Variants in USP34 observed in about 807,000 individuals in gnomAD.
The protein encoded by USP34 is ubiquitin specific peptidase 34.
A neutral mutation model predicts 460.3 loss-of-function variants in USP34; 70 were observed. That is an observed-to-expected ratio of 0.15 (90% CI 0.13 to 0.19). The LOEUF is 0.19. USP34 is among the 10% of genes least tolerant of loss of function. The pLI is 1.00. For missense variants in USP34, 3,985 were observed against 4,236.2 expected (o/e 0.94, Z 1.65); for synonymous variants, 1,647 against 1,405.3 (o/e 1.17, Z -3.85).
intron 3 of USP34, among the ~76,000 whole-genome samples, chr2:61,403,069 T>C (rs145911574): frequency 2.0e-5 from 3 of 152,258 alleles, no homozygotes; most frequent in East Asian, 1.9e-4. Context: ...ACATATCTAA[T>C]ATATTAATAG....
intron 10 of USP34, among the ~76,000 whole-genome samples, chr2:61,365,604 T>C (rs917933720): frequency 1.3e-5 from 2 of 152,060 alleles, no homozygotes; most frequent in Non-Finnish European, 2.9e-5. Context: ...TAAATACAAT[T>C]AATTCTGGAG....
chr2:61,345,391 T>C (rs1183988624), intron 15 of USP34, among the ~76,000 whole-genome samples: 1 of 152,138 alleles, frequency 6.6e-6, no homozygotes, highest in Non-Finnish European at 1.5e-5. Flanking sequence ...AGAAGTAATA[T>C]GTATAGATAT....
chr2:61,438,234 A>G (rs1027816389), intron 1 of USP34, among the ~76,000 whole-genome samples: 2 of 152,204 alleles, frequency 1.3e-5, no homozygotes, highest in African/African-American at 4.8e-5. Flanking sequence ...TCTTAGCAAT[A>G]GAATGAAGGA....
chr2:61,280,430 T>A, intron 38 of USP34, 82 bp from the exon 39 acceptor site: 1 of 641,196 alleles, frequency 1.6e-6, no homozygotes, highest in Non-Finnish European at 2.4e-6. Flanking sequence ...AGAGGCTTTA[T>A]GAAATAAATT....
At chr2:61,296,974 A>G (rs575408408) in intron 29 of USP34, 49 bp from the exon 30 acceptor site, 9 of 1,534,038 alleles carry the variant, frequency 5.9e-6, no homozygotes, top group Non-Finnish European at 7.0e-6. Context: ...AGAAAAGAAA[A>G]AGTTTTAAGT....
At position 61,206,808 on chromosome 2, in the gene USP34, T is replaced by A. The variant is rs778110173; in HGVS notation, c.8998A>T (p.Ile3000Leu). The A allele has an allele frequency of 6.2e-7, 1 of 1,613,764 alleles. No individual in the cohort carries two copies. The highest frequency in any genetic ancestry group is 8.5e-7 in the Non-Finnish European group (1 of 1,179,794). Reference sequence around the variant, plus strand: ...GTAGACTTCAAAACCGAAAGAAATATTGACAGAAGTTCTACTAAATCTCCA... The same window carrying A: ...GTAGACTTCAAAACCGAAAGAAATAATGACAGAAGTTCTACTAAATCTCCA... ...VTGDLVELLS[I>L]FLSVLKSTRP... Residue 3000 changes from isoleucine (I) to leucine (L), a missense_variant, in exon 71 of 80, where the codon ATA becomes TTA. By Grantham distance (5) the Ile-to-Leu change is conservative. Around this residue, in one of 14 missense-constraint regions of USP34, gnomAD observed 275 missense variants for 292.7 expected, o/e 0.94. Transcript: ENST00000398571.
intron 39 of USP34, among the ~76,000 whole-genome samples, chr2:61,279,920 A>G (rs1410808290): frequency 6.6e-6 from 1 of 152,244 alleles, no homozygotes; most frequent in Non-Finnish European, 1.5e-5. Flanking sequence ...TCCAAACTAC[A>G]TGCTATTATA....
At chr2:61,441,802 CAAAAAAA>C (rs70963429) in intron 1 of USP34, among the ~76,000 whole-genome samples, 6 of 97,336 alleles carry the variant, frequency 6.2e-5, no homozygotes, top group African/African-American at 1.2e-4. Flanking sequence ...GACTGCATTA[CAAAAAAA>C]AAAAAAGAAA....
At position 61,288,868 on chromosome 2, in the gene USP34, C is replaced by T; in HGVS notation, c.4558G>A (p.Asp1520Asn). 25 of 1,612,522 alleles carry T rather than the reference C, an allele frequency of 1.6e-5. No homozygotes were observed. The highest frequency in any genetic ancestry group is 2.1e-5 in the Non-Finnish European group (25 of 1,179,860). Residue 1520 changes from aspartate to asparagine, a missense_variant, in exon 34 of 80, where the codon GAC (aspartate) becomes AAC (asparagine). Asp to Asn is a conservative substitution (Grantham distance 23, BLOSUM62 1). Coordinates refer to ENST00000398571, the MANE Select transcript of USP34 (RefSeq NM_014709.4). ...EQESWTVWQL[D>N]CLACLLKLIC... ...AACTTCAGCAAGCAAGCAAGACAGT[C>T]TAGCTGCCACTGTAAATGAGAAGAA...
intron 5 of USP34, among the ~76,000 whole-genome samples, chr2:61,387,895 T>A: frequency 6.7e-6 from 1 of 148,956 alleles, no homozygotes; most frequent in Non-Finnish European, 1.5e-5. Context: ...AAAAATATAT[T>A]TTTATATATA....
At chr2:61,465,488 G>C (rs571225062) in intron 1 of USP34, among the ~76,000 whole-genome samples, 2 of 152,260 alleles carry the variant, frequency 1.3e-5, no homozygotes, top group East Asian at 3.9e-4. Flanking sequence ...TTATCAAAAA[G>C]TCTGTGCATA....
intron 25 of USP34, among the ~76,000 whole-genome samples, chr2:61,312,564 A>G (rs1418231341): frequency 6.6e-6 from 1 of 152,186 alleles, no homozygotes; most frequent in Non-Finnish European, 1.5e-5. Context: ...TAGAAGGATA[A>G]AAAGTGAGGG....
At chr2:61,262,122 T>TAG (rs1558497315) in intron 43 of USP34, among the ~76,000 whole-genome samples, 1 of 118,450 alleles carries the variant, frequency 8.4e-6, no homozygotes, top group Non-Finnish European at 1.7e-5. Context: ...AAAAAATATA[T>TAG]ATATATATAT....
At chr2:61,452,796 G>C (rs1695323536) in intron 1 of USP34, among the ~76,000 whole-genome samples, 1 of 151,202 alleles carries the variant, frequency 6.6e-6, no homozygotes, top group Non-Finnish European at 1.5e-5. Context: ...GACATAAGAG[G>C]ATCGCTTGAG....
At chr2:61,365,001 C>A (rs1488641814) in intron 10 of USP34, among the ~76,000 whole-genome samples, 2 of 151,514 alleles carry the variant, frequency 1.3e-5, no homozygotes, top group Non-Finnish European at 2.9e-5. Flanking sequence ...TGCCTATAAT[C>A]CCAGCAATTT....
intron 1 of USP34, among the ~76,000 whole-genome samples, chr2:61,434,844 G>A (rs1694769532): frequency 6.6e-6 from 1 of 151,690 alleles, no homozygotes; most frequent in African/African-American, 2.4e-5. Flanking sequence ...CATCTTCAAA[G>A]GCAAACAGTA....
intron 1 of USP34, among the ~76,000 whole-genome samples, chr2:61,432,449 C>G (rs995650310): frequency 1.3e-5 from 2 of 152,204 alleles, no homozygotes; most frequent in South Asian, 2.1e-4. Flanking sequence ...TGCACTCCAG[C>G]CTGGGTGACA....
chr2:61,272,967 C>G (rs1689260592), intron 41 of USP34, among the ~76,000 whole-genome samples: 1 of 151,936 alleles, frequency 6.6e-6, no homozygotes, highest in Non-Finnish European at 1.5e-5. Flanking sequence ...AATGAAGAAC[C>G]AAAGAACACT....
At chr2:61,408,356 T>C (rs188031890) in intron 2 of USP34, among the ~76,000 whole-genome samples, 111 of 152,260 alleles carry the variant, frequency 7.3e-4, no homozygotes, top group South Asian at 1.0e-3. Context: ...TTTTAAGATA[T>C]AGTACTACTT....
Sources: gnomAD v4.1 joint callset for allele counts (sites outside exome capture counted in the v4.1 genomes callset) on GRCh38, gnomAD v4.1.1 for gene constraint, gnomAD v4.1.1 regional missense constraint, MANE v1.5 for transcripts, NCBI Gene and HGNC (gene_info 2026-07-23, HGNC 2026-07-21) for gene names.